Variants in RAB1A observed in about 807,000 individuals in gnomAD.
RAB1A encodes the protein RAB1A, member RAS oncogene family.
Under a neutral mutation model 26.0 loss-of-function variants are expected in RAB1A, and 2 were observed. The observed-to-expected ratio is 0.08, with a 90% CI of 0.03 to 0.24. RAB1A has a LOEUF of 0.24. Among genes scored for constraint, RAB1A ranks in the 10% least tolerant of loss-of-function variants. RAB1A has a pLI of 1.00. For synonymous variants in RAB1A, 84 were observed against 84.9 expected, an observed-to-expected ratio of 0.99 and a Z score of 0.06; for missense variants, 100 against 247.0, an observed-to-expected ratio of 0.40 and a Z score of 3.99.
chr2:65,100,302 G>A, intron 2 of RAB1A, among the ~76,000 whole-genome samples: 1 of 150,324 alleles, frequency 6.7e-6, no homozygotes, highest in South Asian at 2.1e-4. Flanking sequence ...CCGGGAGGCT[G>A]AGGAAGGAGA....
intron 2 of RAB1A, among the ~76,000 whole-genome samples, chr2:65,100,894 C>G (rs763855282): frequency 1.2e-4 from 19 of 152,014 alleles, no homozygotes; most frequent in Non-Finnish European, 2.2e-4. Flanking sequence ...GCCTGTAATC[C>G]CAGCACTTTG....
chr2:65,092,369 C>T (rs1669190952), intron 3 of RAB1A, among the ~76,000 whole-genome samples: 1 of 152,080 alleles, frequency 6.6e-6, no homozygotes. Context: ...ACATCAAATC[C>T]AGGTTCCTGG....
intron 1 of RAB1A, chr2:65,106,407 GT>G (rs1669561154): frequency 8.6e-6 from 3 of 349,030 alleles, no homozygotes; most frequent in Admixed American, 4.3e-5. Context: ...TATTTTTTTT[GT>G]TTTAATTGCA....
At chr2:65,119,440 G>A (rs968911210) in intron 1 of RAB1A, among the ~76,000 whole-genome samples, 2 of 151,290 alleles carry the variant, frequency 1.3e-5, no homozygotes, top group African/African-American at 4.9e-5. Context: ...CTGGGAGGCA[G>A]AGGTTGCAAT....
intron 3 of RAB1A, among the ~76,000 whole-genome samples, chr2:65,096,582 G>A (rs576550878): frequency 1.3e-5 from 2 of 151,970 alleles, no homozygotes; most frequent in East Asian, 3.9e-4. Flanking sequence ...TGCTCTTTAT[G>A]GTGCCAAATA....
intron 1 of RAB1A, among the ~76,000 whole-genome samples, chr2:65,116,050 G>A (rs1558585550): frequency 6.6e-6 from 1 of 152,120 alleles, no homozygotes; most frequent in Non-Finnish European, 1.5e-5. Flanking sequence ...CAGCTACTAA[G>A]GAGGCTGAGG....
At position 65,088,477 on chromosome 2, in the gene RAB1A, AGGAT is replaced by A; in HGVS notation, c.*12_*15del. 1 of 1,581,218 alleles carries A rather than the reference AGGAT, an allele frequency of 6.3e-7. No homozygotes were observed. Among genetic ancestry groups the A allele is most frequent in the African/African-American group, 1.4e-5 (1 of 73,962 alleles). On this transcript the variant is annotated 3_prime_UTR_variant, in exon 6 of 6. Transcript: ENST00000409784. ...ATTGCAAATTCATTGCTGTGAGAAA[AGGAT>A]GGAGGCAAATTTTAGCAGCAACCTC...
chr2:65,119,841 C>CAAAAAAAAAAAAAAA (rs1178958164), intron 1 of RAB1A, among the ~76,000 whole-genome samples: 1 of 36,438 alleles, frequency 2.7e-5, no homozygotes. Flanking sequence ...CCTGTCTCTA[C>CAAAAAAAAAAAAAAA]AAAAAAAAAA....
chr2:65,129,924 AGCTGCCGCCGCCGCCACCGCCGCCCTT>A lies in RAB1A; in HGVS notation c.-36_-10del, dbSNP rs1380400192. ...GGATTCATGCTGGACATGTCACTGCAGCTGCCGCCGCCGCCACCGCCGCCCTTGCTGCCGCAGCCGCCGCCCTGACTC... is the reference window on the plus strand; with the variant it reads ...GGATTCATGCTGGACATGTCACTGCAGCTGCCGCAGCCGCCGCCCTGACTC... On this transcript the variant is annotated 5_prime_UTR_variant, in exon 1 of 6. Transcript: ENST00000409784. 6 of 1,586,360 alleles carry A rather than the reference AGCTGCCGCCGCCGCCACCGCCGCCCTT, an allele frequency of 3.8e-6. No individual in the cohort carries two copies. Among genetic ancestry groups the A allele is most frequent in the Non-Finnish European group, 5.1e-6 (6 of 1,168,554 alleles).
chr2:65,115,124 G>C (rs2103868040), intron 1 of RAB1A, among the ~76,000 whole-genome samples: 1 of 152,248 alleles, frequency 6.6e-6, no homozygotes, highest in African/African-American at 2.4e-5. Flanking sequence ...CAGAACCACA[G>C]GCCAAATAAA....
rs1362787531 is a variant in RAB1A at position 65,130,075 on chromosome 2, G to A, written c.-160C>T. 1.2e-5 allele frequency: 10 copies of A among 820,094 alleles called. 1 individual carries two copies. Among genetic ancestry groups the A allele is most frequent in the East Asian group, 1.1e-4 (4 of 37,514 alleles). 50.8% of individuals were successfully genotyped at this position (820,094 alleles called of 1,614,324 possible). On this transcript the variant is annotated 5_prime_UTR_variant, in exon 1 of 6. Transcript: ENST00000409784. ...GTCCCCTAGAACACAATCAGCAGCC[G>A]CCGCCACTCAGCTATCGCTTCCACC...
chr2:65,115,437 G>A (rs867973466), intron 1 of RAB1A, among the ~76,000 whole-genome samples: 3 of 152,120 alleles, frequency 2.0e-5, no homozygotes, highest in Non-Finnish European at 4.4e-5. Flanking sequence ...CTTTAAGTAT[G>A]CTCCACAGAA....
intron 1 of RAB1A, among the ~76,000 whole-genome samples, chr2:65,107,544 T>C (rs1669590077): frequency 6.6e-6 from 1 of 152,098 alleles, no homozygotes; most frequent in Non-Finnish European, 1.5e-5. Flanking sequence ...TGGAGTGCAG[T>C]GGCTCGATCT....
At chr2:65,108,015 G>C (rs548729342) in intron 1 of RAB1A, among the ~76,000 whole-genome samples, 220 of 141,240 alleles carry the variant, frequency 1.6e-3, no homozygotes, top group Middle Eastern at 3.7e-3. Context: ...AGTGAGCTCA[G>C]ATCACACCAC....
chr2:65,118,329 C>T (rs978579085), intron 1 of RAB1A, among the ~76,000 whole-genome samples: 3 of 152,128 alleles, frequency 2.0e-5, no homozygotes, highest in Admixed American at 6.5e-5. Context: ...ATTGATTATG[C>T]TTGTTTGAAC....
At chr2:65,118,236 G>A (rs1014655907) in intron 1 of RAB1A, among the ~76,000 whole-genome samples, 5 of 152,188 alleles carry the variant, frequency 3.3e-5, no homozygotes, top group Non-Finnish European at 5.9e-5. Flanking sequence ...AGAAATTATA[G>A]GCCCCTTCCC....
In RAB1A at chr2:65,129,912, A is replaced by T. The variant is rs907769758; in HGVS notation, c.4T>A (p.Ser2Thr). 1.3e-6 allele frequency: 2 copies of T among 1,594,072 alleles called. No individual in the cohort carries two copies. The highest frequency in any genetic ancestry group is 1.8e-5 in the Admixed American group (1 of 56,736). M[S>T]SMNPEYDYLF... ...ACTCACTATTCGGGATTCATGCTGGACATGTCACTGCAGCTGCCGCCGCCG... is the reference window on the plus strand; with the variant it reads ...ACTCACTATTCGGGATTCATGCTGGTCATGTCACTGCAGCTGCCGCCGCCG... The change falls in exon 1 of 6, where the codon TCC (serine) becomes ACC (threonine). Residue 2 changes from serine (S) to threonine (T), a missense_variant. This residue lies in a region of RAB1A where 33 missense variants were observed against 124.2 expected (regional missense o/e 0.27). Transcript: ENST00000409784.
chr2:65,102,006 C>A (rs1669442895), intron 2 of RAB1A, among the ~76,000 whole-genome samples: 1 of 152,160 alleles, frequency 6.6e-6, no homozygotes, highest in Non-Finnish European at 1.5e-5. Context: ...GCCTCAGCCT[C>A]TAAATGCTGG....
intron 1 of RAB1A, among the ~76,000 whole-genome samples, chr2:65,109,696 C>T (rs976008074): frequency 6.9e-6 from 1 of 145,122 alleles, no homozygotes; most frequent in Admixed American, 7.0e-5. Context: ...GGCAACAGAG[C>T]GAGACTCCAT....
Sources: allele counts gnomAD v4.1 joint callset (sites outside exome capture counted in the v4.1 genomes callset), GRCh38; gene constraint gnomAD v4.1.1; regional missense constraint gnomAD v4.1.1; transcripts MANE v1.5; gene names NCBI Gene and HGNC (gene_info 2026-07-23, HGNC 2026-07-21).